Variants in LRRC7 observed in about 807,000 individuals in gnomAD.
LRRC7 encodes the protein leucine-rich repeat-containing protein 7.
A neutral mutation model predicts 175.7 loss-of-function variants in LRRC7; 23 were observed. That is an observed-to-expected ratio of 0.13 (90% CI 0.09 to 0.19). LRRC7 has a LOEUF of 0.19. Ranked by LOEUF, LRRC7 falls within the 10% of genes least tolerant of loss-of-function variation. The pLI is 1.00. For synonymous variants in LRRC7, 685 were observed against 680.9 expected, an observed-to-expected ratio of 1.01 and a Z score of -0.09; for missense variants, 1,354 against 1,904.7, an observed-to-expected ratio of 0.71 and a Z score of 5.38.
intron 22 of LRRC7, among the ~76,000 whole-genome samples, chr1:70,048,062 A>G (rs961272958): frequency 1.3e-5 from 2 of 152,002 alleles, no homozygotes; most frequent in Non-Finnish European, 2.9e-5. Flanking sequence ...TGATGTTACT[A>G]ATGGTTCCAT....
rs536941038 is a variant in LRRC7 at position 69,683,942 on chromosome 1, G to A, written c.100+5464G>A. ...ATGATGAAATAATAAATAATTATGG[G>A]AAACAATTACATGTGGAAAAATGGA... On this transcript the variant is annotated intron_variant, in intron 2 of 26. Transcript: ENST00000651989. Among the ~76,000 whole-genome samples the A allele has an allele frequency of 6.4e-4, 98 of 152,092 alleles. No homozygotes were observed. In the South Asian group the frequency reaches 0.016, roughly 24 times the overall value.
intron 13 of LRRC7, among the ~76,000 whole-genome samples, chr1:70,015,318 T>A (rs995975074): frequency 3.3e-5 from 5 of 152,110 alleles, no homozygotes; most frequent in Admixed American, 3.3e-4. Context: ...TCTTTTCATA[T>A]TTATTAGATT....
intron 2 of LRRC7, among the ~76,000 whole-genome samples, chr1:69,681,916 A>G (rs1319781582): frequency 6.6e-6 from 1 of 152,122 alleles, no homozygotes; most frequent in Non-Finnish European, 1.5e-5. Context: ...GTCTTAAAAC[A>G]ACATTCATTT....
At position 69,644,752 on chromosome 1, in the gene LRRC7, G is replaced by A. The variant is rs549308698; in HGVS notation, c.3-33629G>A. ...CACAAAAATCTTTGACAAAATGTTA[G>A]CAAATTTAATCTACCAATATATAAA... On this transcript the variant is annotated intron_variant, in intron 1 of 26. Transcript: ENST00000651989. Among the ~76,000 whole-genome samples, 23 of 151,810 alleles carry A rather than the reference G, an allele frequency of 1.5e-4. No homozygotes were observed. In the South Asian group the frequency reaches 4.8e-3, roughly 32 times the overall value.
At chr1:70,021,290 C>A in intron 16 of LRRC7, 161 bp downstream of exon 16, 2 of 623,708 alleles carry the variant, frequency 3.2e-6, no homozygotes, top group Non-Finnish European at 5.3e-6. Flanking sequence ...CATTGGTGTG[C>A]TTCAGAATGA....
intron 26 of LRRC7, among the ~76,000 whole-genome samples, chr1:70,112,888 A>C (rs1377317799): frequency 6.6e-6 from 1 of 152,140 alleles, no homozygotes; most frequent in Non-Finnish European, 1.5e-5. Context: ...GAAAGGGTGA[A>C]TATGGAGTAT....
chr1:69,572,233 A>G (rs1645767483), intron 1 of LRRC7, among the ~76,000 whole-genome samples: 1 of 152,188 alleles, frequency 6.6e-6, no homozygotes, highest in Non-Finnish European at 1.5e-5. Flanking sequence ...TTAGCAGTCA[A>G]CATCAGTCTT....
chr1:70,000,356 CAT>C (rs780198507), intron 11 of LRRC7, among the ~76,000 whole-genome samples: 4 of 152,138 alleles, frequency 2.6e-5, no homozygotes, highest in African/African-American at 4.8e-5. Context: ...CAGTAAATCA[CAT>C]GTCTTATAGT....
chr1:69,879,212 T>TAAAAAAAAAAAAAAAAAAAAA (rs201332183), intron 7 of LRRC7, among the ~76,000 whole-genome samples: 2 of 91,960 alleles, frequency 2.2e-5, no homozygotes, highest in Non-Finnish European at 2.0e-5. Flanking sequence ...AAAACTGCTT[T>TAAAAAAAAAAAAAAAAAAAAA]AAAAAAAAAA....
chr1:69,593,538 T>G (rs1179621415), intron 1 of LRRC7, among the ~76,000 whole-genome samples: 1 of 152,154 alleles, frequency 6.6e-6, no homozygotes, highest in African/African-American at 2.4e-5. Flanking sequence ...TACATAAGTA[T>G]TCTCATATGA....
rs1022684543 is a variant in LRRC7, at chr1:70,140,950, C to T, written c.*19063C>T. Among the ~76,000 whole-genome samples the T allele has an allele frequency of 6.6e-6, 1 of 152,068 alleles. No homozygotes were observed. Among genetic ancestry groups the T allele is most frequent in the South Asian group, 2.1e-4 (1 of 4,826 alleles). On this transcript the variant is annotated 3_prime_UTR_variant, in exon 27 of 27. Coordinates refer to ENST00000651989, the MANE Select transcript of LRRC7 (RefSeq NM_001370785.2). Reference sequence around the variant, plus strand: ...CAGTCATTTTTCTATAAACAACTTTCCTCAGTTCGCAACTGAGGTGTAGCC... The same window carrying T: ...CAGTCATTTTTCTATAAACAACTTTTCTCAGTTCGCAACTGAGGTGTAGCC...
chr1:69,850,338 T>C (rs919457258), intron 7 of LRRC7, among the ~76,000 whole-genome samples: 1 of 151,956 alleles, frequency 6.6e-6, no homozygotes, highest in Non-Finnish European at 1.5e-5. Context: ...GTGGGGTAAA[T>C]TTATGAACTG....
rs370411512 is a variant in LRRC7 at position 69,961,187 on chromosome 1, A to G, written c.712-19192A>G. On this transcript the variant is annotated intron_variant, in intron 8 of 26. Coordinates refer to ENST00000651989, the MANE Select transcript of LRRC7 (RefSeq NM_001370785.2). ...ATCACTAGCTCCTCTATACACTAGCAATAGTCAAGCTGAGAGTCAAATTAC... is the reference window on the plus strand; with the variant it reads ...ATCACTAGCTCCTCTATACACTAGCGATAGTCAAGCTGAGAGTCAAATTAC... 4.2e-4 allele frequency among the ~76,000 whole-genome samples: 64 copies of G among 152,300 alleles called. No individual in the cohort carries two copies. The East Asian group carries it at 5.8e-3, about 14-fold the overall frequency.
rs1457362767 is a variant in LRRC7, at chr1:70,122,796, T to A, written c.*909T>A. 6.6e-6 allele frequency: 1 copy of A among 152,510 alleles called. No individual in the cohort carries two copies. The highest frequency in any genetic ancestry group is 6.5e-5 in the Admixed American group (1 of 15,272). 9.4% of individuals were successfully genotyped at this position (152,510 alleles called of 1,614,324 possible). ...GTAGCCCCTGTGATTTCTTTACTTGTAAATGTGGAATTTATTTGTGTGTTG... is the reference window on the plus strand; with the variant it reads ...GTAGCCCCTGTGATTTCTTTACTTGAAAATGTGGAATTTATTTGTGTGTTG... On this transcript the variant is annotated 3_prime_UTR_variant, in exon 27 of 27. Transcript: ENST00000651989.
intron 23 of LRRC7, among the ~76,000 whole-genome samples, chr1:70,069,629 C>T (rs1662234992): frequency 6.6e-6 from 1 of 152,154 alleles, no homozygotes; most frequent in Non-Finnish European, 1.5e-5. Flanking sequence ...CTTCTTGAAT[C>T]TGTAAGTTTA....
intron 14 of LRRC7, 39 bp downstream of exon 14, chr1:70,016,573 A>G: frequency 2.1e-6 from 3 of 1,456,972 alleles, no homozygotes; most frequent in Non-Finnish European, 1.8e-6. Context: ...ATTAAGATGA[A>G]CTATAATTGA....
rs114595911 is a variant in LRRC7 at position 70,012,131 on chromosome 1, G to A, written c.1134+205G>A. The stretch of plus-strand genomic sequence containing the variant: ...AGAAATTGCATTTGACTTAAATCTC[G>A]CATGCAAATAAAAGTAAGAAAATAA... On this transcript the variant is annotated intron_variant, in intron 12 of 26. Coordinates refer to ENST00000651989, the MANE Select transcript of LRRC7 (RefSeq NM_001370785.2). Among the ~76,000 whole-genome samples the A allele has an allele frequency of 5.2e-3, 782 of 151,584 alleles. 9 individuals carry two copies. The highest frequency in any genetic ancestry group is 0.018 in the African/African-American group (749 of 41,394).
intron 5 of LRRC7, among the ~76,000 whole-genome samples, chr1:69,826,550 A>T (rs1290358074): frequency 6.6e-6 from 1 of 152,150 alleles, no homozygotes; most frequent in African/African-American, 2.4e-5. Flanking sequence ...TCACTTAATA[A>T]TGGAAGTAGA....
chr1:69,603,242 C>A (rs148999610), intron 1 of LRRC7, among the ~76,000 whole-genome samples: 2 of 152,168 alleles, frequency 1.3e-5, no homozygotes, highest in African/African-American at 4.8e-5. Flanking sequence ...AAGTTATATA[C>A]ACAGATACCA....
Sources: allele counts gnomAD v4.1 joint callset (sites outside exome capture counted in the v4.1 genomes callset), GRCh38; gene constraint gnomAD v4.1.1; transcripts MANE v1.5; gene names NCBI Gene and HGNC (gene_info 2026-07-23, HGNC 2026-07-21).